Variants in CHMP3 observed in about 807,000 individuals in gnomAD.
CHMP3 encodes the protein charged multivesicular body protein 3, also known as 25.1 protein.
A neutral mutation model predicts 27.4 loss-of-function variants in CHMP3; 8 were observed. That is an observed-to-expected ratio of 0.29 (90% CI 0.17 to 0.53). The LOEUF (loss-of-function observed/expected upper bound fraction) is 0.53, where lower values mean the gene tolerates loss of function less well. Ranked by LOEUF, CHMP3 falls within the 20% of genes least tolerant of loss-of-function variation. CHMP3 has a pLI of 0.96. For missense variants in CHMP3, 208 were observed against 271.5 expected (o/e 0.77, Z 1.64); for synonymous variants, 86 against 85.5 (o/e 1.01, Z -0.03).
At chr2:86,542,184 TA>T in intron 2 of CHMP3, 67 bp downstream of exon 2, 2 of 1,502,644 alleles carry the variant, frequency 1.3e-6, no homozygotes, top group Non-Finnish European at 1.8e-6. Flanking sequence ...AAATGCAGTT[TA>T]TTTTTATGAA....
intron 3 of CHMP3, among the ~76,000 whole-genome samples, chr2:86,522,509 G>A (rs1247394062): frequency 6.6e-6 from 1 of 152,078 alleles, no homozygotes; most frequent in Non-Finnish European, 1.5e-5. Flanking sequence ...GATTTCCTGG[G>A]GCTAGTCTGG....
At chr2:86,557,836 C>T (rs1416267378) in intron 1 of CHMP3, among the ~76,000 whole-genome samples, 1 of 152,148 alleles carries the variant, frequency 6.6e-6, no homozygotes, top group Non-Finnish European at 1.5e-5. Flanking sequence ...AATTATTGCT[C>T]CTATCTCCCT....
intron 2 of CHMP3, among the ~76,000 whole-genome samples, chr2:86,537,630 T>C (rs1445407479): frequency 1.3e-5 from 2 of 152,056 alleles, no homozygotes; most frequent in Non-Finnish European, 2.9e-5. Context: ...GCTCATCAGG[T>C]TTGGTTTGGT....
chr2:86,551,404 C>T (rs1676900146), intron 1 of CHMP3, among the ~76,000 whole-genome samples: 1 of 151,938 alleles, frequency 6.6e-6, no homozygotes, highest in South Asian at 2.1e-4. Flanking sequence ...CTATAGATGC[C>T]TGCCACCACG....
At chr2:86,560,970 C>A (rs2104072198) in intron 1 of CHMP3, among the ~76,000 whole-genome samples, 1 of 152,294 alleles carries the variant, frequency 6.6e-6, no homozygotes, top group Admixed American at 6.5e-5. Context: ...GGGAAATCTG[C>A]TCCCATGATC....
At chr2:86,528,059 G>A (rs1012398354) in intron 3 of CHMP3, among the ~76,000 whole-genome samples, 1 of 151,872 alleles carries the variant, frequency 6.6e-6, no homozygotes, top group Non-Finnish European at 1.5e-5. Context: ...CTCTTTCCCA[G>A]CCCATGATTA....
At chr2:86,542,524 C>T (rs115316802) in intron 1 of CHMP3, among the ~76,000 whole-genome samples, 198 of 152,180 alleles carry the variant, frequency 1.3e-3, no homozygotes, top group African/African-American at 4.6e-3. Flanking sequence ...TTCAAAGATT[C>T]GTAGCCGAGG....
rs776078300 is a variant in CHMP3, at chr2:86,553,476, T to C, written c.45+9828A>G. On this transcript the variant is annotated intron_variant, in intron 1 of 5. Coordinates refer to ENST00000263856, the MANE Select transcript of CHMP3 (RefSeq NM_016079.4). ...CCTCCCGAGTAGCTGGGATTATAGG[T>C]GCACGCCACCACGCCCAGCTAATTT... 1.1e-3 allele frequency among the ~76,000 whole-genome samples: 162 copies of C among 152,128 alleles called. 1 individual carries two copies. Among genetic ancestry groups the C allele is most frequent in the Non-Finnish European group, 1.5e-3 (105 of 67,990 alleles).
chr2:86,514,579 T>C (rs1675223645), intron 3 of CHMP3, among the ~76,000 whole-genome samples: 2 of 152,160 alleles, frequency 1.3e-5, no homozygotes, highest in Non-Finnish European at 2.9e-5. Flanking sequence ...TATACTAAAA[T>C]ATAAATGGCA....
rs868371301 is a variant in CHMP3, at chr2:86,551,152, T to C, written c.46-8840A>G. On this transcript the variant is annotated intron_variant, in intron 1 of 5. Transcript: ENST00000263856. ...AATCTTAATTAATCCTATCAGGGGA[T>C]AGAGATTATTTGAAACTGGTCTTCA... 7.9e-5 allele frequency among the ~76,000 whole-genome samples: 12 copies of C among 152,338 alleles called. No individual in the cohort carries two copies. In the South Asian group the frequency reaches 1.4e-3, roughly 18 times the overall value.
intron 1 of CHMP3, among the ~76,000 whole-genome samples, chr2:86,543,055 C>T (rs1676425867): frequency 3.3e-5 from 5 of 152,178 alleles, no homozygotes; most frequent in Admixed American, 2.0e-4. Flanking sequence ...CTGAGTGACA[C>T]TGCTATAACT....
intron 1 of CHMP3, among the ~76,000 whole-genome samples, chr2:86,560,984 T>C (rs1677335529): frequency 6.6e-6 from 1 of 152,152 alleles, no homozygotes; most frequent in Non-Finnish European, 1.5e-5. Flanking sequence ...CATGATCCAA[T>C]CACCTCATAC....
chr2:86,523,183 C>T (rs545876870), intron 3 of CHMP3, among the ~76,000 whole-genome samples: 5 of 152,270 alleles, frequency 3.3e-5, no homozygotes, highest in African/African-American at 1.2e-4. Flanking sequence ...ACCTCCCAGA[C>T]CTTCCTTCCG....
intron 2 of CHMP3, among the ~76,000 whole-genome samples, chr2:86,537,557 G>A (rs6740863): frequency 0.2 from 29,748 of 152,094 alleles, 3,777 homozygotes; most frequent in African/African-American, 0.35. Flanking sequence ...TACTGTTGTT[G>A]AAAACTGAAT....
In CHMP3 at chr2:86,504,327, G is replaced by A. The variant is rs920980724; in HGVS notation, c.*1477C>T. 3 of 152,084 alleles carry A rather than the reference G, an allele frequency of 2.0e-5. No homozygotes were observed. Among genetic ancestry groups the A allele is most frequent in the Non-Finnish European group, 4.4e-5 (3 of 68,026 alleles). 9.4% of individuals were successfully genotyped at this position (152,084 alleles called of 1,614,324 possible). A position where few individuals can be genotyped will look rare whatever the true frequency, so the allele number is the denominator to read the frequency against. The stretch of plus-strand genomic sequence containing the variant: ...ACTCTGGTGTGGGATACTGATAGTG[G>A]TGGGAGGCTATGCATGTGTGAGGGC... On this transcript the variant is annotated 3_prime_UTR_variant, in exon 6 of 6. Transcript: ENST00000263856.
At chr2:86,516,464 T>TA in intron 3 of CHMP3, among the ~76,000 whole-genome samples, 1 of 152,288 alleles carries the variant, frequency 6.6e-6, no homozygotes, top group East Asian at 1.9e-4. Flanking sequence ...ATCAGCACCA[T>TA]AGACCTACCA....
rs1674850029 is a variant in CHMP3, at chr2:86,505,372, A to G, written c.*432T>C. Reference sequence around the variant, plus strand: ...GCCTGGCCATAGCAACTCTTTCCACACCCAGCAAATGAAGCAATCTGGGGC... The same window carrying G: ...GCCTGGCCATAGCAACTCTTTCCACGCCCAGCAAATGAAGCAATCTGGGGC... On this transcript the variant is annotated 3_prime_UTR_variant, in exon 6 of 6. Transcript: ENST00000263856. 1 of 153,364 alleles carries G rather than the reference A, an allele frequency of 6.5e-6. No homozygotes were observed. Among genetic ancestry groups the G allele is most frequent in the South Asian group, 2.1e-4 (1 of 4,840 alleles). The allele number at this position is 153,364 out of a possible 1,614,324, so 9.5% of individuals were successfully genotyped here.
intron 1 of CHMP3, among the ~76,000 whole-genome samples, chr2:86,556,246 C>G (rs1677117010): frequency 6.6e-6 from 1 of 152,216 alleles, no homozygotes; most frequent in African/African-American, 2.4e-5. Context: ...TAGCTCCTCT[C>G]CTGGAGGCAA....
At chr2:86,518,843 A>AT (rs1400102229) in intron 3 of CHMP3, among the ~76,000 whole-genome samples, 1 of 152,242 alleles carries the variant, frequency 6.6e-6, no homozygotes, top group Non-Finnish European at 1.5e-5. Context: ...GTTTAGCTGT[A>AT]TCTCAACAGC....
Sources: gnomAD v4.1 joint callset for allele counts (sites outside exome capture counted in the v4.1 genomes callset) on GRCh38, gnomAD v4.1.1 for gene constraint, MANE v1.5 for transcripts, NCBI Gene and HGNC (gene_info 2026-07-23, HGNC 2026-07-21) for gene names.